RAB28: variants seen among roughly 807,000 people sequenced by gnomAD.
RAB28 encodes the protein RAB28, member RAS oncogene family, also known as ras-related protein Rab-28.
In RAB28, 24 loss-of-function variants were observed where a neutral mutation model predicts 31.7. The ratio of observed to expected loss-of-function variants is 0.76; its 90% CI spans 0.55 to 1.06. RAB28 has a LOEUF of 1.06. RAB28 is among the 50% of genes least tolerant of loss of function. The pLI, the probability that RAB28 is intolerant of heterozygous loss-of-function variation, is 0.00. For synonymous variants in RAB28, 100 were observed against 90.4 expected (o/e 1.11, Z -0.60); for missense variants, 254 against 258.5 (o/e 0.98, Z 0.12).
intron 3 of RAB28, among the ~76,000 whole-genome samples, chr4:13,464,907 G>A (rs1032905551): frequency 2.0e-5 from 3 of 151,916 alleles, no homozygotes; most frequent in African/African-American, 4.8e-5. Flanking sequence ...ATATGTTGAG[G>A]GTTCTAAAGG....
At chr4:13,369,630 A>C (rs1051138618) in intron 6 of RAB28, among the ~76,000 whole-genome samples, 1 of 152,140 alleles carries the variant, frequency 6.6e-6, no homozygotes, top group Non-Finnish European at 1.5e-5. Flanking sequence ...ACAACCATAA[A>C]GACAAATATG....
chr4:13,457,466 G>A (rs1332753599), intron 4 of RAB28, among the ~76,000 whole-genome samples: 1 of 151,896 alleles, frequency 6.6e-6, no homozygotes, highest in Non-Finnish European at 1.5e-5. Flanking sequence ...ATAATATTCA[G>A]GAAAATATTT....
At chr4:13,449,117 T>C (rs1315090107) in intron 4 of RAB28, among the ~76,000 whole-genome samples, 2 of 152,048 alleles carry the variant, frequency 1.3e-5, no homozygotes, top group African/African-American at 4.8e-5. Context: ...TTTCTGTTTA[T>C]GCTTCATAAA....
intron 4 of RAB28, among the ~76,000 whole-genome samples, chr4:13,388,625 C>G (rs1560272221): frequency 6.6e-6 from 1 of 151,930 alleles, no homozygotes; most frequent in African/African-American, 2.4e-5. Context: ...ATATATCTGA[C>G]AAAATGTTAA....
intron 4 of RAB28, among the ~76,000 whole-genome samples, chr4:13,393,855 C>CAAAAAAAAA (rs759509251): frequency 3.8e-5 from 3 of 79,380 alleles, no homozygotes; most frequent in Admixed American, 1.4e-4. Context: ...TCACAGGCTA[C>CAAAAAAAAA]AAAAAAAAAA....
intron 4 of RAB28, among the ~76,000 whole-genome samples, chr4:13,419,147 CAAAG>C (rs1196541481): frequency 4.6e-5 from 7 of 151,926 alleles, no homozygotes; most frequent in African/African-American, 1.5e-4. Flanking sequence ...TCAAAAAAGA[CAAAG>C]AAGGCCATTA....
intron 4 of RAB28, among the ~76,000 whole-genome samples, chr4:13,394,497 T>C (rs114822647): frequency 6.0e-4 from 91 of 152,258 alleles, no homozygotes; most frequent in African/African-American, 1.6e-3. Context: ...TATGGCTGGG[T>C]TCCTAACAGG....
intron 6 of RAB28, among the ~76,000 whole-genome samples, chr4:13,374,339 G>C (rs899858886): frequency 1.3e-5 from 2 of 152,036 alleles, no homozygotes; most frequent in African/African-American, 2.4e-5. Context: ...AACACACTAG[G>C]ATATTAAGCC....
At chr4:13,370,055 A>G in intron 6 of RAB28, 3 of 1,507,412 alleles carry the variant, frequency 2.0e-6, no homozygotes, top group Non-Finnish European at 2.6e-6. Flanking sequence ...GACTGAATAT[A>G]GAAGGAAACA....
At chr4:13,443,177 T>C (rs1441722808) in intron 4 of RAB28, among the ~76,000 whole-genome samples, 1 of 151,748 alleles carries the variant, frequency 6.6e-6, no homozygotes, top group Non-Finnish European at 1.5e-5. Context: ...GTAATATAAA[T>C]GGTTTTTTTT....
At chr4:13,459,665 C>T in intron 4 of RAB28, 1 of 735,674 alleles carries the variant, frequency 1.4e-6, no homozygotes, top group Non-Finnish European at 1.7e-6. Context: ...CACTCTTCTC[C>T]CTAGTACACT....
intron 5 of RAB28, among the ~76,000 whole-genome samples, chr4:13,379,027 G>A (rs962587904): frequency 1.3e-5 from 2 of 151,436 alleles, no homozygotes; most frequent in East Asian, 3.9e-4. Flanking sequence ...CCAAGATGGT[G>A]AAACCCCATC....
rs1349652519 is a variant in RAB28 at position 13,459,765 on chromosome 4, T to C, written c.391+934A>G. 2.7e-6 allele frequency: 3 copies of C among 1,108,692 alleles called. 1 individual carries two copies. In the African/African-American group the frequency reaches 5.0e-5, roughly 18 times the overall value. 68.7% of individuals were successfully genotyped at this position (1,108,692 alleles called of 1,614,324 possible). On this transcript the variant is annotated intron_variant, in intron 4 of 6. Coordinates refer to ENST00000330852, the MANE Select transcript of RAB28 (RefSeq NM_001017979.3). ...AGAGACAGGAGCAAGAAACAATGCA[T>C]ATAAAATTCCAATGTAGACACTTCT... is the stretch of plus-strand genomic sequence containing the variant.
intron 4 of RAB28, among the ~76,000 whole-genome samples, chr4:13,424,393 A>C (rs1418865962): frequency 6.6e-6 from 1 of 152,146 alleles, no homozygotes; most frequent in Non-Finnish European, 1.5e-5. Context: ...CTCTGCCTCC[A>C]TCTTCACATA....
At chr4:13,412,701 A>G (rs546558290) in intron 4 of RAB28, among the ~76,000 whole-genome samples, 7 of 152,272 alleles carry the variant, frequency 4.6e-5, no homozygotes, top group African/African-American at 1.4e-4. Flanking sequence ...ATAAGAAAAA[A>G]ACTAAAGACA....
At chr4:13,383,888 C>G (rs745525388) in intron 4 of RAB28, among the ~76,000 whole-genome samples, 13 of 152,182 alleles carry the variant, frequency 8.5e-5, no homozygotes, top group Non-Finnish European at 1.5e-4. Flanking sequence ...CAGGGCTAGT[C>G]CAACCTCAGC....
At chr4:13,480,060 C>T (rs1716541566) in intron 1 of RAB28, among the ~76,000 whole-genome samples, 1 of 151,440 alleles carries the variant, frequency 6.6e-6, no homozygotes, top group Non-Finnish European at 1.5e-5. Context: ...GAAAATGACC[C>T]TAAAGAAAGA....
At chr4:13,440,054 A>G (rs1350614672) in intron 4 of RAB28, among the ~76,000 whole-genome samples, 1 of 152,180 alleles carries the variant, frequency 6.6e-6, no homozygotes, top group East Asian at 1.9e-4. Context: ...GCTGCACCTA[A>G]AAATTTTCTC....
intron 4 of RAB28, among the ~76,000 whole-genome samples, chr4:13,404,568 C>T (rs1711961238): frequency 6.6e-6 from 1 of 151,878 alleles, no homozygotes; most frequent in African/African-American, 2.4e-5. Flanking sequence ...AACTATACTG[C>T]ATAAAAAGGA....
Sources: allele counts gnomAD v4.1 joint callset (sites outside exome capture counted in the v4.1 genomes callset), GRCh38; gene constraint gnomAD v4.1.1; transcripts MANE v1.5; gene names NCBI Gene and HGNC (gene_info 2026-07-23, HGNC 2026-07-21).